RHBDL3: variants seen among roughly 807,000 people sequenced by gnomAD.
The protein encoded by RHBDL3 is rhomboid like 3.
Under a neutral mutation model 48.2 loss-of-function variants are expected in RHBDL3, and 28 were observed. The observed-to-expected ratio is 0.58, with a 90% CI of 0.43 to 0.80. The LOEUF (loss-of-function observed/expected upper bound fraction) is 0.80, where lower values mean the gene tolerates loss of function less well. Ranked by LOEUF, RHBDL3 falls within the 30% of genes least tolerant of loss-of-function variation. The pLI is 0.00. For synonymous variants in RHBDL3, 208 were observed against 232.3 expected, an observed-to-expected ratio of 0.90 and a Z score of 0.95; for missense variants, 464 against 542.7, an observed-to-expected ratio of 0.85 and a Z score of 1.44.
chr17:32,307,420 T>C (rs1191937058), intron 7 of RHBDL3, among the ~76,000 whole-genome samples: 1 of 152,228 alleles, frequency 6.6e-6, no homozygotes, highest in Non-Finnish European at 1.5e-5. Flanking sequence ...TCCCATGTTT[T>C]TCTTCCTTAT....
intron 2 of RHBDL3, among the ~76,000 whole-genome samples, chr17:32,273,030 C>T (rs188305055): frequency 1.3e-5 from 2 of 152,196 alleles, no homozygotes; most frequent in Admixed American, 6.5e-5. Flanking sequence ...GACATAGTTT[C>T]GCTCTTGTTG....
At chr17:32,290,062 GC>G (rs1215095371) in intron 4 of RHBDL3, among the ~76,000 whole-genome samples, 2 of 152,124 alleles carry the variant, frequency 1.3e-5, no homozygotes, top group African/African-American at 4.8e-5. Flanking sequence ...TCTGTTTGAG[GC>G]CCAATAATAA....
chr17:32,272,434 C>A (rs1357161091), intron 2 of RHBDL3, among the ~76,000 whole-genome samples: 1 of 152,222 alleles, frequency 6.6e-6, no homozygotes, highest in African/African-American at 2.4e-5. Flanking sequence ...TAGCAAGGAG[C>A]TGCAGAGAAA....
chr17:32,274,229 C>T (rs2039842725), intron 2 of RHBDL3, among the ~76,000 whole-genome samples: 2 of 152,276 alleles, frequency 1.3e-5, no homozygotes, highest in Admixed American at 6.5e-5. Context: ...TGAGACGAGG[C>T]GTCTGGCCAT....
At chr17:32,276,833 CCT>C (rs2039920969) in intron 2 of RHBDL3, among the ~76,000 whole-genome samples, 1 of 89,600 alleles carries the variant, frequency 1.1e-5, no homozygotes, top group Non-Finnish European at 2.0e-5. Flanking sequence ...GGCCCTAGCA[CCT>C]TACTCCGGCC....
chr17:32,286,902 C>T (rs2040210779), intron 3 of RHBDL3, among the ~76,000 whole-genome samples: 1 of 152,188 alleles, frequency 6.6e-6, no homozygotes, highest in Non-Finnish European at 1.5e-5. Flanking sequence ...AGAAGAGGCT[C>T]CTTTATCTGA....
chr17:32,304,258 G>A (rs749049340), intron 6 of RHBDL3, among the ~76,000 whole-genome samples: 1 of 152,168 alleles, frequency 6.6e-6, no homozygotes, highest in Non-Finnish European at 1.5e-5. Flanking sequence ...GAGCCCCACT[G>A]GAGAGATGCT....
intron 7 of RHBDL3, among the ~76,000 whole-genome samples, chr17:32,310,904 G>A (rs1355702586): frequency 2.7e-4 from 17 of 63,148 alleles, no homozygotes; most frequent in Non-Finnish European, 3.3e-4. Context: ...AAAAAAAAAA[G>A]GTTTACTTTA....
At chr17:32,272,911 G>C (rs756110038) in intron 2 of RHBDL3, among the ~76,000 whole-genome samples, 79 of 152,192 alleles carry the variant, frequency 5.2e-4, no homozygotes, top group Non-Finnish European at 7.6e-4. Flanking sequence ...CAGCCCCTCT[G>C]CCACCGTATG....
intron 6 of RHBDL3, among the ~76,000 whole-genome samples, chr17:32,303,853 C>T (rs1020854205): frequency 2.0e-5 from 3 of 152,062 alleles, no homozygotes; most frequent in African/African-American, 7.2e-5. Context: ...CTCCTAAGTC[C>T]GTGGATCTTG....
In RHBDL3 at chr17:32,302,546, TATATA is replaced by T. The variant is rs750053707; in HGVS notation, c.782-2794_782-2790del. Among the ~76,000 whole-genome samples, 920 of 104,810 alleles carry T rather than the reference TATATA, an allele frequency of 8.8e-3. 6 individuals are homozygous for T. Among genetic ancestry groups the T allele is most frequent in the Admixed American group, 0.011 (126 of 11,144 alleles). 68.8% of individuals were successfully genotyped at this position (104,810 alleles called of 152,430 possible). A position where few individuals can be genotyped will look rare whatever the true frequency, so the allele number is the denominator to read the frequency against. ...GCTAATTTTTGTATATATATATATA[TATATA>T]TTTTTTTTTAGTAGCAATGGGGTTT... On this transcript the variant is annotated intron_variant, in intron 6 of 8. Transcript: ENST00000269051.
rs776334303 is a variant in RHBDL3 at position 32,288,898 on chromosome 17, G to A, written c.401G>A (p.Arg134Gln). 7.4e-6 allele frequency: 12 copies of A among 1,614,074 alleles called. No individual in the cohort carries two copies. The highest frequency in any genetic ancestry group is 2.2e-5 in the East Asian group (1 of 44,890). ...GAGAAGGGGCTGAGCCTCTCGCAGC[G>A]ACTTATCCGCCATGTGGCCTATGAG... ...LEEKGLSLSQ[R>Q]LIRHVAYETL... Residue 134 changes from arginine (R) to glutamine (Q), a missense_variant, in exon 4 of 9, where the codon CGA becomes CAA. Coordinates refer to ENST00000269051, the MANE Select transcript of RHBDL3 (RefSeq NM_138328.3).
chr17:32,310,883 CA>C (rs11348841), intron 7 of RHBDL3, among the ~76,000 whole-genome samples: 5,748 of 55,564 alleles, frequency 0.1, 369 homozygotes, highest in African/African-American at 0.27. Context: ...GGCTCCATCT[CA>C]AAAAAAAAAA....
chr17:32,270,584 A>G (rs368541392), intron 2 of RHBDL3, among the ~76,000 whole-genome samples: 8 of 152,024 alleles, frequency 5.3e-5, no homozygotes, highest in South Asian at 4.2e-4. Context: ...CCCCAGTCCC[A>G]TGGAAGCTTC....
chr17:32,316,261 G>T lies in RHBDL3; in HGVS notation c.912G>T (p.Lys304Asn). The T allele has an allele frequency of 6.2e-7, 1 of 1,614,032 alleles. No individual in the cohort carries two copies. Among genetic ancestry groups the T allele is most frequent in the Non-Finnish European group, 8.5e-7 (1 of 1,179,902 alleles). The change falls in exon 8 of 9, where the codon AAG (lysine) becomes AAT (asparagine). Residue 304 changes from lysine to asparagine, a missense_variant. Physicochemically the swap from Lys to Asn is moderately conservative, Grantham distance 94 (BLOSUM62 0). Coordinates refer to ENST00000269051, the MANE Select transcript of RHBDL3 (RefSeq NM_138328.3). ...GGTCAGGCATGAAGTGCCAGTTCAA[G>T]CTGCTGCGGATGGCTGTGGCCCTTA... ...MNWSGMKCQF[K>N]LLRMAVALIC...
chr17:32,283,377 A>T (rs1233579353), intron 2 of RHBDL3, among the ~76,000 whole-genome samples: 9 of 132,066 alleles, frequency 6.8e-5, no homozygotes, highest in Non-Finnish European at 1.4e-4. Context: ...GCTGGAGTGC[A>T]GTGGCGTGAT....
chr17:32,271,031 G>GT (rs1232018860), intron 2 of RHBDL3, among the ~76,000 whole-genome samples: 1 of 151,854 alleles, frequency 6.6e-6, no homozygotes, highest in Non-Finnish European at 1.5e-5. Flanking sequence ...CCCCACCTCC[G>GT]TTTTTTAAAA....
At chr17:32,300,327 C>T (rs150285490) in intron 6 of RHBDL3, among the ~76,000 whole-genome samples, 1 of 152,262 alleles carries the variant, frequency 6.6e-6, no homozygotes, top group East Asian at 1.9e-4. Context: ...GCAGGAAGAT[C>T]GCTTGAGCCC....
intron 2 of RHBDL3, among the ~76,000 whole-genome samples, chr17:32,281,638 G>C (rs1265660935): frequency 6.6e-6 from 1 of 152,256 alleles, no homozygotes; most frequent in African/African-American, 2.4e-5. Flanking sequence ...GAGATGGGAG[G>C]GGTCCCAGGC....
Sources: gnomAD v4.1 joint callset for allele counts (sites outside exome capture counted in the v4.1 genomes callset) on GRCh38, gnomAD v4.1.1 for gene constraint, MANE v1.5 for transcripts, NCBI Gene and HGNC (gene_info 2026-07-23, HGNC 2026-07-21) for gene names.